UGGT1: variants seen among roughly 807,000 people sequenced by gnomAD.
The protein encoded by UGGT1 is UDP-glucose glycoprotein glucosyltransferase 1, also known as UDP-glucose:glycoprotein glucosyltransferase 1.
UGGT1 carries 107 observed loss-of-function variants against 203.9 expected under a neutral mutation model. The ratio of observed to expected loss-of-function variants is 0.52; its 90% CI spans 0.45 to 0.62. The LOEUF (loss-of-function observed/expected upper bound fraction) is 0.62. UGGT1 is among the 20% of genes least tolerant of loss of function. The probability of loss-of-function intolerance (pLI) is 0.00; values close to 1 mark genes in which losing one functional copy is unlikely to be tolerated. For missense variants in UGGT1, 1,673 were observed against 1,867.2 expected (o/e 0.90, Z 1.92); for synonymous variants, 628 against 653.5 (o/e 0.96, Z 0.59).
rs1233328875 is a variant in UGGT1 at position 128,193,176 on chromosome 2, A to T, written c.*3434A>T. The T allele has an allele frequency of 4.0e-5, 1 of 25,044 alleles. No individual in the cohort carries two copies. Among genetic ancestry groups the T allele is most frequent in the Non-Finnish European group, 9.4e-5 (1 of 10,636 alleles). 1.6% of individuals were successfully genotyped at this position (25,044 alleles called of 1,614,324 possible). A position where few individuals can be genotyped will look rare whatever the true frequency, so the allele number is the denominator to read the frequency against. On this transcript the variant is annotated 3_prime_UTR_variant, in exon 41 of 41. Coordinates refer to ENST00000259253, the MANE Select transcript of UGGT1 (RefSeq NM_020120.4). ...TGGCAATAGAGCGAGACTCCGTCTC[A>T]AAAAAAAAAAAAAAAAAAAAAAAAA... is the stretch of plus-strand genomic sequence containing the variant.
chr2:128,129,211 TTC>T, intron 13 of UGGT1, 32 bp downstream of exon 13: 2 of 1,577,106 alleles, frequency 1.3e-6, no homozygotes, highest in Non-Finnish European at 1.7e-6. Context: ...TCAAAGGACT[TTC>T]TGACCAGGAA....
intron 18 of UGGT1, among the ~76,000 whole-genome samples, chr2:128,150,782 A>G (rs10166229): frequency 6.6e-6 from 1 of 150,928 alleles, no homozygotes; most frequent in Non-Finnish European, 1.5e-5. Flanking sequence ...ACAGATGTTT[A>G]AATATGAATG....
At chr2:128,128,555 G>T (rs996278278) in intron 12 of UGGT1, among the ~76,000 whole-genome samples, 1 of 151,886 alleles carries the variant, frequency 6.6e-6, no homozygotes. Context: ...CTTGTGATCC[G>T]CCCGCCTTGG....
chr2:128,091,713 AT>A, intron 1 of UGGT1: 1 of 712,368 alleles, frequency 1.4e-6, no homozygotes, highest in Non-Finnish European at 2.0e-6. Flanking sequence ...CCTACCATGG[AT>A]TTAGACCAAG....
chr2:128,119,409 G>A (rs1688271673), intron 8 of UGGT1, among the ~76,000 whole-genome samples: 1 of 151,946 alleles, frequency 6.6e-6, no homozygotes, highest in Non-Finnish European at 1.5e-5. Context: ...CTCCAGCCTG[G>A]GCAACAAGAG....
chr2:128,133,886 G>C (rs1348557870), intron 14 of UGGT1, among the ~76,000 whole-genome samples: 2 of 149,582 alleles, frequency 1.3e-5, no homozygotes, highest in African/African-American at 5.0e-5. Flanking sequence ...AGAGAGAGAG[G>C]GTTCTTCATT....
chr2:128,117,083 T>TTTTA (rs1385248688), intron 8 of UGGT1, among the ~76,000 whole-genome samples: 8 of 152,140 alleles, frequency 5.3e-5, no homozygotes, highest in Admixed American at 3.9e-4. Context: ...TATTATTATT[T>TTTTA]TTTATTTATT....
At chr2:128,094,112 C>G (rs1686996457) in intron 1 of UGGT1, among the ~76,000 whole-genome samples, 1 of 152,210 alleles carries the variant, frequency 6.6e-6, no homozygotes, top group Non-Finnish European at 1.5e-5. Context: ...TCCAATTCGT[C>G]ATCAGGAATC....
intron 26 of UGGT1, among the ~76,000 whole-genome samples, chr2:128,169,197 C>A (rs1690964680): frequency 6.7e-6 from 1 of 150,148 alleles, no homozygotes; most frequent in African/African-American, 2.5e-5. Context: ...ATGGTGAGAC[C>A]CGTATCTCTA....
At chr2:128,111,799 C>G (rs1195628479) in intron 5 of UGGT1, among the ~76,000 whole-genome samples, 1 of 150,118 alleles carries the variant, frequency 6.7e-6, no homozygotes, top group Non-Finnish European at 1.5e-5. Flanking sequence ...CCGGCCTATA[C>G]TTATATTTTT....
chr2:128,137,739 G>A (rs1558783814), intron 15 of UGGT1, among the ~76,000 whole-genome samples: 1 of 152,154 alleles, frequency 6.6e-6, no homozygotes, highest in Non-Finnish European at 1.5e-5. Context: ...ATAAAGTCTG[G>A]TCTAGACTGA....
At chr2:128,132,572 A>C (rs1205244772) in intron 13 of UGGT1, among the ~76,000 whole-genome samples, 1 of 152,110 alleles carries the variant, frequency 6.6e-6, no homozygotes, top group African/African-American at 2.4e-5. Flanking sequence ...AAACAAAAAA[A>C]ATTTCGCTTC....
intron 3 of UGGT1, among the ~76,000 whole-genome samples, chr2:128,104,562 C>T (rs895452539): frequency 1.3e-5 from 2 of 152,168 alleles, no homozygotes; most frequent in Non-Finnish European, 1.5e-5. Context: ...AGGGTGTAAA[C>T]ATTAATAGTT....
chr2:128,154,896 A>G (rs1487890309), intron 19 of UGGT1, among the ~76,000 whole-genome samples: 3 of 152,236 alleles, frequency 2.0e-5, no homozygotes, highest in African/African-American at 7.2e-5. Flanking sequence ...GTTTAGAGCA[A>G]GAGAATGACT....
chr2:128,132,996 T>C, intron 13 of UGGT1, 145 bp from the exon 14 acceptor site: 1 of 1,009,540 alleles, frequency 9.9e-7, no homozygotes, highest in Non-Finnish European at 1.4e-6. Flanking sequence ...TGTGAGCCAC[T>C]CACTGCAGCC....
At chr2:128,102,421 G>A (rs1009033520) in intron 2 of UGGT1, among the ~76,000 whole-genome samples, 34 of 152,292 alleles carry the variant, frequency 2.2e-4, no homozygotes, top group African/African-American at 7.5e-4. Context: ...TGGGATTACA[G>A]GCGTGAGCCA....
Position 128,152,818 on chromosome 2 carries a change from A to G in UGGT1, c.2051A>G (p.Tyr684Cys). 3 of 1,613,792 alleles carry G rather than the reference A, an allele frequency of 1.9e-6. No individual in the cohort carries two copies. Among genetic ancestry groups the G allele is most frequent in the South Asian group, 1.1e-5 (1 of 91,006 alleles). Residue 684 changes from tyrosine (Y) to cysteine (C), a missense_variant, in exon 19 of 41, where the codon TAT becomes TGT. Around this residue, in one of 4 missense-constraint regions of UGGT1, gnomAD observed 1,073 missense variants for 1,078.7 expected, o/e 0.99. Transcript: ENST00000259253. ...CCCCATGATCAAGATGTGGTAGAGT[A>G]TATCATGAATCAGCCAAATGTTGTT... is the stretch of plus-strand genomic sequence containing the variant. ...ELPHDQDVVEYIMNQPNVVPR... is the reference protein window; with the variant it reads ...ELPHDQDVVECIMNQPNVVPR...
rs532230071 is a variant in UGGT1, at chr2:128,160,745, C to T, written c.2694+154C>T. Among the ~76,000 whole-genome samples, 14 of 152,282 alleles carry T rather than the reference C, an allele frequency of 9.2e-5. No individual in the cohort carries two copies. The East Asian group carries it at 2.7e-3, about 29-fold the overall frequency. Reference sequence around the variant, plus strand: ...CCATTGATGTTTCTGCCTCCTATTTCCAAGGAGCTGTGCTTTTTGACATAG... The same window carrying T: ...CCATTGATGTTTCTGCCTCCTATTTTCAAGGAGCTGTGCTTTTTGACATAG... On this transcript the variant is annotated intron_variant, in intron 24 of 40. Coordinates refer to ENST00000259253, the MANE Select transcript of UGGT1 (RefSeq NM_020120.4).
chr2:128,120,998 C>T (rs1220216342), intron 9 of UGGT1, among the ~76,000 whole-genome samples: 1 of 152,178 alleles, frequency 6.6e-6, no homozygotes, highest in Non-Finnish European at 1.5e-5. Context: ...GCAGATATAT[C>T]AGAAACGGCT....
Sources: allele counts gnomAD v4.1 joint callset (sites outside exome capture counted in the v4.1 genomes callset), GRCh38; gene constraint gnomAD v4.1.1; regional missense constraint gnomAD v4.1.1; transcripts MANE v1.5; gene names NCBI Gene and HGNC (gene_info 2026-07-23, HGNC 2026-07-21).